Variants in RBFOX1 observed in about 807,000 individuals in gnomAD.
RBFOX1 encodes RNA binding fox-1 homolog 1.
Under a neutral mutation model 57.7 loss-of-function variants are expected in RBFOX1, and 8 were observed. That is an observed-to-expected ratio of 0.14 (90% CI 0.08 to 0.25). The LOEUF is 0.25. RBFOX1 is among the 10% of genes least tolerant of loss of function. The probability of loss-of-function intolerance (pLI) is 1.00; values close to 1 mark genes in which losing one functional copy is unlikely to be tolerated. For missense variants in RBFOX1, 611 were observed against 548.5 expected, an observed-to-expected ratio of 1.11 and a Z score of -1.14; for synonymous variants, 326 against 222.4, an observed-to-expected ratio of 1.47 and a Z score of -4.15.
rs979313527 is a variant in RBFOX1, at chr16:6,144,438, T to G, written c.-127+124446T>G. Among the ~76,000 whole-genome samples, 3 of 152,314 alleles carry G rather than the reference T, an allele frequency of 2.0e-5. No individual in the cohort carries two copies. In the East Asian group the frequency reaches 5.8e-4, roughly 29 times the overall value. On this transcript the variant is annotated intron_variant, in intron 1 of 15. Transcript: ENST00000550418. ...CCCAATAAACCTATTAAAAGCATAA[T>G]GAAAACCTCATTCAGTCTTCTGTCA...
At chr16:7,653,695 C>G (rs1241273754) in intron 11 of RBFOX1, 120 bp from the exon 12 acceptor site, 20 of 1,406,412 alleles carry the variant, frequency 1.4e-5, no homozygotes, top group South Asian at 9.3e-5. Context: ...TTCCGGGAAG[C>G]GGGCGGGGGT....
chr16:5,374,146 C>T (rs1002366132), intron 1 of RBFOX1, among the ~76,000 whole-genome samples: 3 of 152,242 alleles, frequency 2.0e-5, no homozygotes, highest in African/African-American at 2.4e-5. Context: ...CCATGTGGGC[C>T]AGGCTAGTCT....
intron 1 of RBFOX1, among the ~76,000 whole-genome samples, chr16:5,248,987 CAAAAAAAAAAAAAA>C (rs56146545): frequency 2.8e-3 from 178 of 63,352 alleles, no homozygotes; most frequent in African/African-American, 0.011. Context: ...GACTCCATCT[CAAAAAAAAAAAAAA>C]AAAAAAAAAA....
intron 2 of RBFOX1, among the ~76,000 whole-genome samples, chr16:6,408,058 A>G (rs1162746455): frequency 6.6e-6 from 1 of 152,130 alleles, no homozygotes; most frequent in African/African-American, 2.4e-5. Flanking sequence ...TCATTTGAGG[A>G]CACACAGAAG....
At chr16:6,931,770 G>T (rs996738648) in intron 3 of RBFOX1, among the ~76,000 whole-genome samples, 4 of 152,258 alleles carry the variant, frequency 2.6e-5, no homozygotes, top group South Asian at 4.1e-4. Context: ...CCTGTGGTCT[G>T]CCACAAACTG....
At chr16:7,190,388 A>T (rs1452826447) in intron 4 of RBFOX1, among the ~76,000 whole-genome samples, 1 of 152,162 alleles carries the variant, frequency 6.6e-6, no homozygotes, top group East Asian at 1.9e-4. Context: ...TATAAAATAA[A>T]AAATAAAACT....
At chr16:6,551,460 G>C (rs1023696301) in intron 2 of RBFOX1, among the ~76,000 whole-genome samples, 1 of 152,192 alleles carries the variant, frequency 6.6e-6, no homozygotes, top group African/African-American at 2.4e-5. Context: ...ATTTTACGCT[G>C]TCTAACATAA....
chr16:6,887,797 G>A (rs1017171243), intron 3 of RBFOX1, among the ~76,000 whole-genome samples: 1 of 151,836 alleles, frequency 6.6e-6, no homozygotes, highest in African/African-American at 2.4e-5. Flanking sequence ...TGAGTAGCTG[G>A]GTTTACAGGC....
intron 4 of RBFOX1, among the ~76,000 whole-genome samples, chr16:7,194,215 G>A (rs569431497): frequency 6.6e-6 from 1 of 152,190 alleles, no homozygotes; most frequent in Non-Finnish European, 1.5e-5. Flanking sequence ...GGAAGCCTCC[G>A]GCTCAGTGTC....
At chr16:7,595,252 T>G (rs2094626534) in intron 7 of RBFOX1, among the ~76,000 whole-genome samples, 2 of 152,256 alleles carry the variant, frequency 1.3e-5, no homozygotes, top group Non-Finnish European at 2.9e-5. Flanking sequence ...TATTTTGATC[T>G]CATTTTCTTT....
At chr16:7,200,002 G>C (rs969653140) in intron 4 of RBFOX1, among the ~76,000 whole-genome samples, 1 of 152,208 alleles carries the variant, frequency 6.6e-6, no homozygotes, top group Non-Finnish European at 1.5e-5. Flanking sequence ...AATGTGCTCA[G>C]AATGTGGATA....
At chr16:6,401,082 C>A (rs1261050570) in intron 2 of RBFOX1, among the ~76,000 whole-genome samples, 1 of 152,042 alleles carries the variant, frequency 6.6e-6, no homozygotes, top group African/African-American at 2.4e-5. Context: ...TTAAAAGGAA[C>A]CAAAACTTAT....
intron 2 of RBFOX1, among the ~76,000 whole-genome samples, chr16:6,555,184 G>A (rs528597615): frequency 6.6e-6 from 1 of 152,144 alleles, no homozygotes; most frequent in Non-Finnish European, 1.5e-5. Context: ...TTTAAAATCA[G>A]GAGTCCTAGA....
At chr16:6,017,328 T>C (rs2095000698), upstream of RBFOX1, among the ~76,000 whole-genome samples, 1 of 152,228 alleles carries the variant, frequency 6.6e-6, no homozygotes, top group South Asian at 2.1e-4. Context: ...TCTATCATTA[T>C]TGATAATTTG....
intron 4 of RBFOX1, among the ~76,000 whole-genome samples, chr16:7,428,494 T>TTTATTATTATTATTA (rs71147697): frequency 3.1e-5 from 4 of 128,714 alleles, no homozygotes; most frequent in Non-Finnish European, 4.8e-5. Context: ...TCCTGGCTAT[T>TTTATTATTATTATTA]TTATTATTAT....
chr16:5,639,150 G>C (rs1029244429), intron 3 of RBFOX1, among the ~76,000 whole-genome samples: 1 of 152,136 alleles, frequency 6.6e-6, no homozygotes, highest in Admixed American at 6.5e-5. Flanking sequence ...GTACAATACA[G>C]TTTTATTAGT....
At chr16:5,625,454 G>T (rs2048320967) in intron 3 of RBFOX1, among the ~76,000 whole-genome samples, 1 of 152,066 alleles carries the variant, frequency 6.6e-6, no homozygotes, top group Non-Finnish European at 1.5e-5. Flanking sequence ...TGAACTCACT[G>T]GTGTGCCTGA....
At chr16:5,836,046 A>C (rs981694599) in intron 3 of RBFOX1, among the ~76,000 whole-genome samples, 1 of 152,198 alleles carries the variant, frequency 6.6e-6, no homozygotes, top group African/African-American at 2.4e-5. Flanking sequence ...CCCTGCCAGA[A>C]GTTAGAGTGT....
chr16:6,791,946 A>C (rs2083046157), intron 3 of RBFOX1, among the ~76,000 whole-genome samples: 1 of 152,290 alleles, frequency 6.6e-6, no homozygotes, highest in East Asian at 1.9e-4. Flanking sequence ...AACTTAGGAG[A>C]GCCGAATTCT....
Sources: allele counts gnomAD v4.1 joint callset (sites outside exome capture counted in the v4.1 genomes callset), GRCh38; gene constraint gnomAD v4.1.1; transcripts MANE v1.5; gene names NCBI Gene and HGNC (gene_info 2026-07-23, HGNC 2026-07-21).